The following GALNTL6 variants were observed in gnomAD, a reference collection of about 807,000 sequenced individuals.
GALNTL6 encodes the protein polypeptide N-acetylgalactosaminyltransferase like 6, also known as polypeptide N-acetylgalactosaminyltransferase-like 6.
In GALNTL6, 46 loss-of-function variants were observed where a neutral mutation model predicts 73.7. The observed-to-expected ratio is 0.62, with a 90% CI of 0.49 to 0.80. GALNTL6 has a LOEUF of 0.80. Ranked by LOEUF, GALNTL6 falls within the 30% of genes least tolerant of loss-of-function variation. The pLI is 0.00. For synonymous variants in GALNTL6, 259 were observed against 263.7 expected (o/e 0.98, Z 0.17); for missense variants, 604 against 755.0 (o/e 0.80, Z 2.34).
intron 2 of GALNTL6, among the ~76,000 whole-genome samples, chr4:172,222,167 C>CA (rs34646232): frequency 0.014 from 2,187 of 151,742 alleles, 57 homozygotes; most frequent in African/African-American, 0.05. Flanking sequence ...AGAAGCACAC[C>CA]AAAAAAATCA....
At chr4:172,387,105 C>G (rs1298151219) in intron 5 of GALNTL6, among the ~76,000 whole-genome samples, 1 of 152,070 alleles carries the variant, frequency 6.6e-6, no homozygotes, top group Non-Finnish European at 1.5e-5. Context: ...AGGGCCCCAC[C>G]CTCATAATTT....
At chr4:172,937,284 T>C (rs1444763102) in intron 9 of GALNTL6, among the ~76,000 whole-genome samples, 1 of 152,018 alleles carries the variant, frequency 6.6e-6, no homozygotes, top group Non-Finnish European at 1.5e-5. Flanking sequence ...GCAAGGAGCA[T>C]TTGTAAAAAA....
rs191326905 is a variant in GALNTL6, at chr4:172,444,806, A to G, written c.553+96117A>G. 2.2e-3 allele frequency among the ~76,000 whole-genome samples: 337 copies of G among 152,248 alleles called. 1 individual carries two copies. Among genetic ancestry groups the G allele is most frequent in the Admixed American group, 0.013 (197 of 15,276 alleles). ...GCAAATTGAATCCTTAATAGCTTCT[A>G]TGTTCTTAAATCCTGAACACATTTA... On this transcript the variant is annotated intron_variant, in intron 5 of 12. Coordinates refer to ENST00000506823, the MANE Select transcript of GALNTL6 (RefSeq NM_001034845.3).
In GALNTL6 at chr4:171,999,222, A is replaced by C. The variant is rs568464104; in HGVS notation, c.138+184504A>C. Among the ~76,000 whole-genome samples the C allele has an allele frequency of 1.1e-4, 16 of 152,290 alleles. No homozygotes were observed. The South Asian group carries it at 3.1e-3, about 30-fold the overall frequency. ...CCTAGTCAATCCCCCAAATTTATGG[A>C]AACAACAGTGGTGGAGAGGTGGACT... On this transcript the variant is annotated intron_variant, in intron 2 of 12. Transcript: ENST00000506823.
intron 5 of GALNTL6, among the ~76,000 whole-genome samples, chr4:172,762,108 T>C (rs1320468649): frequency 6.6e-6 from 1 of 152,228 alleles, no homozygotes; most frequent in African/African-American, 2.4e-5. Flanking sequence ...AAGTAATGTA[T>C]CTAATTTTTA....
intron 2 of GALNTL6, among the ~76,000 whole-genome samples, chr4:171,901,813 A>G (rs1737106887): frequency 6.6e-6 from 1 of 152,226 alleles, no homozygotes; most frequent in Admixed American, 6.5e-5. Context: ...GTGATTTGAC[A>G]TAATCATATG....
In GALNTL6 at chr4:172,029,958, C is replaced by T. The variant is rs190598639; in HGVS notation, c.139-199698C>T. ...TATGGAAAAAGTGAGTGCTAATAAC[C>T]CTTATTAGGTATATATGTGTATGCT... is the stretch of plus-strand genomic sequence containing the variant. On this transcript the variant is annotated intron_variant, in intron 2 of 12. Transcript: ENST00000506823. Among the ~76,000 whole-genome samples, 18 of 152,012 alleles carry T rather than the reference C, an allele frequency of 1.2e-4. No individual in the cohort carries two copies. The East Asian group carries it at 3.1e-3, about 26-fold the overall frequency.
At chr4:172,005,151 G>T (rs947770336) in intron 2 of GALNTL6, among the ~76,000 whole-genome samples, 1 of 151,478 alleles carries the variant, frequency 6.6e-6, no homozygotes, top group African/African-American at 2.4e-5. Flanking sequence ...TTGAGACAGG[G>T]TCTCACTCTG....
intron 5 of GALNTL6, among the ~76,000 whole-genome samples, chr4:172,736,843 C>G (rs1736497819): frequency 6.6e-6 from 1 of 152,190 alleles, no homozygotes; most frequent in South Asian, 2.1e-4. Flanking sequence ...GTGGGTCTTT[C>G]CAAGCTGTTC....
At chr4:172,673,393 A>AGAGCATGTACCATGTTTTACTTC (rs1160595376) in intron 5 of GALNTL6, among the ~76,000 whole-genome samples, 1 of 152,190 alleles carries the variant, frequency 6.6e-6, no homozygotes, top group East Asian at 1.9e-4. Context: ...ACTTCTGATT[A>AGAGCATGTACCATGTTTTACTTC]TGTGATCGAT....
chr4:172,920,918 A>G (rs1747757033), intron 8 of GALNTL6, among the ~76,000 whole-genome samples: 1 of 152,238 alleles, frequency 6.6e-6, no homozygotes, highest in South Asian at 2.1e-4. Flanking sequence ...TAAATAAGTG[A>G]GATATCTACT....
intron 2 of GALNTL6, among the ~76,000 whole-genome samples, chr4:172,125,612 A>C (rs1397535765): frequency 3.3e-5 from 5 of 152,150 alleles, no homozygotes; most frequent in Non-Finnish European, 7.4e-5. Context: ...ACCTTCCATC[A>C]CTTATTCAGA....
chr4:172,676,325 A>G (rs1452309773), intron 5 of GALNTL6, among the ~76,000 whole-genome samples: 1 of 152,260 alleles, frequency 6.6e-6, no homozygotes, highest in Non-Finnish European at 1.5e-5. Context: ...TGTAAATTAC[A>G]TGCTTCTCTC....
chr4:172,813,714 ACC>A lies in GALNTL6; in HGVS notation c.916_917del (p.Pro306PhefsTer2). 1 of 1,594,126 alleles carries A rather than the reference ACC, an allele frequency of 6.3e-7. No individual in the cohort carries two copies. The highest frequency in any genetic ancestry group is 8.6e-7 in the Non-Finnish European group (1 of 1,164,760). On this transcript the variant is annotated frameshift_variant, in exon 7 of 13. Coordinates refer to ENST00000506823, the MANE Select transcript of GALNTL6 (RefSeq NM_001034845.3). LOFTEE classifies it high-confidence loss of function. ...GAGCTCCAGAGGGCAGATCCCAGCG[ACC>A]CTTTTGAGTGAGTAGCAGCCAAGGG...
At chr4:172,732,266 G>T (rs986904891) in intron 5 of GALNTL6, among the ~76,000 whole-genome samples, 11 of 152,028 alleles carry the variant, frequency 7.2e-5, no homozygotes, top group Admixed American at 5.9e-4. Context: ...TATTGAATTG[G>T]CTCATTTATC....
chr4:172,849,036 G>A (rs1236509684), intron 7 of GALNTL6, among the ~76,000 whole-genome samples: 1 of 151,988 alleles, frequency 6.6e-6, no homozygotes, highest in African/African-American at 2.4e-5. Context: ...ATACTGTTGG[G>A]TGCCATCCCC....
intron 4 of GALNTL6, among the ~76,000 whole-genome samples, chr4:172,315,438 T>C (rs1740508651): frequency 6.6e-6 from 1 of 152,154 alleles, no homozygotes; most frequent in Admixed American, 6.5e-5. Context: ...TAATTTTGTA[T>C]TTTTAGTAGA....
In GALNTL6 at chr4:172,303,450, A is replaced by G. The variant is rs1740012276; in HGVS notation, c.248-8164A>G. On this transcript the variant is annotated intron_variant, in intron 3 of 12. Coordinates refer to ENST00000506823, the MANE Select transcript of GALNTL6 (RefSeq NM_001034845.3). The stretch of plus-strand genomic sequence containing the variant: ...CTTATGAAAACCACACTCTTGCCAT[A>G]CCAAACCTTAGTTGCGATTCCTAAT... Among the ~76,000 whole-genome samples the G allele has an allele frequency of 1.3e-5, 2 of 152,144 alleles. 1 individual carries two copies. Among genetic ancestry groups the G allele is most frequent in the Non-Finnish European group, 2.9e-5 (2 of 68,028 alleles).
chr4:172,594,338 C>T (rs1737767836), intron 5 of GALNTL6, among the ~76,000 whole-genome samples: 1 of 151,936 alleles, frequency 6.6e-6, no homozygotes, highest in Non-Finnish European at 1.5e-5. Flanking sequence ...GAGCGAAACT[C>T]TGTCTCAAAA....
Sources: allele counts gnomAD v4.1 joint callset (sites outside exome capture counted in the v4.1 genomes callset), GRCh38; gene constraint gnomAD v4.1.1; transcripts MANE v1.5; gene names NCBI Gene and HGNC (gene_info 2026-07-23, HGNC 2026-07-21).